CNTN5: variants seen among roughly 807,000 people sequenced by gnomAD.
CNTN5 encodes the protein contactin 5.
Under a neutral mutation model 129.1 loss-of-function variants are expected in CNTN5, and 77 were observed. The ratio of observed to expected loss-of-function variants is 0.60; its 90% confidence interval spans 0.50 to 0.72. The LOEUF (loss-of-function observed/expected upper bound fraction) is 0.72, where lower values mean the gene tolerates loss of function less well. Among genes scored for constraint, CNTN5 ranks in the 30% least tolerant of loss-of-function variants. CNTN5 has a pLI of 0.00. For missense variants in CNTN5, 1,478 were observed against 1,328.8 expected (o/e 1.11, Z -1.75); for synonymous variants, 509 against 465.6 (o/e 1.09, Z -1.20).
At chr11:99,821,120 A>G (rs559089269) in intron 4 of CNTN5, among the ~76,000 whole-genome samples, 12 of 152,276 alleles carry the variant, frequency 7.9e-5, no homozygotes, top group African/African-American at 2.9e-4. Flanking sequence ...TTTAGGCATT[A>G]TTATCTTGTG....
At chr11:100,044,848 TTATAC>T (rs1360319891) in intron 9 of CNTN5, among the ~76,000 whole-genome samples, 2 of 152,118 alleles carry the variant, frequency 1.3e-5, no homozygotes, top group Non-Finnish European at 2.9e-5. Flanking sequence ...GAGACCTGTA[TTATAC>T]TATACTGAGA....
chr11:100,044,942 A>G (rs1186404620), intron 9 of CNTN5, among the ~76,000 whole-genome samples: 3 of 152,064 alleles, frequency 2.0e-5, no homozygotes, highest in South Asian at 4.1e-4. Context: ...AATCTCTCGC[A>G]TTACTGAAAT....
chr11:99,763,710 A>G (rs569015056), intron 3 of CNTN5, among the ~76,000 whole-genome samples: 3 of 152,206 alleles, frequency 2.0e-5, no homozygotes, highest in East Asian at 3.9e-4. Context: ...GCTGCTTACA[A>G]AAAAGATTAT....
At chr11:99,978,795 A>G (rs1213869675) in intron 8 of CNTN5, among the ~76,000 whole-genome samples, 3 of 152,164 alleles carry the variant, frequency 2.0e-5, no homozygotes, top group Non-Finnish European at 2.9e-5. Context: ...GACATTTAAC[A>G]TTGTACTGAG....
At chr11:99,344,751 A>G (rs941272810) in intron 2 of CNTN5, among the ~76,000 whole-genome samples, 5 of 152,192 alleles carry the variant, frequency 3.3e-5, no homozygotes, top group African/African-American at 7.2e-5. Flanking sequence ...CTGCACAGAC[A>G]AGGGGTGAAA....
chr11:99,102,949 T>G (rs1866809440), intron 1 of CNTN5, among the ~76,000 whole-genome samples: 1 of 152,114 alleles, frequency 6.6e-6, no homozygotes. Flanking sequence ...AAAAGAGGTT[T>G]AATGGACTCA....
At chr11:99,462,625 A>C (rs1319580784) in intron 2 of CNTN5, among the ~76,000 whole-genome samples, 1 of 152,184 alleles carries the variant, frequency 6.6e-6, no homozygotes, top group Non-Finnish European at 1.5e-5. Flanking sequence ...CTCAGCAAAG[A>C]CTGGAGTTAA....
At chr11:99,025,816 G>GT (rs1863085419) in intron 1 of CNTN5, among the ~76,000 whole-genome samples, 1 of 151,508 alleles carries the variant, frequency 6.6e-6, no homozygotes, top group African/African-American at 2.4e-5. Flanking sequence ...AGTATATAAA[G>GT]TTTTATCTTT....
chr11:99,729,058 C>T (rs951746855), intron 3 of CNTN5, among the ~76,000 whole-genome samples: 3 of 152,096 alleles, frequency 2.0e-5, no homozygotes, highest in Admixed American at 6.6e-5. Context: ...GGAGGTTCAA[C>T]GGTGAACAAG....
At chr11:99,983,394 G>T (rs1157596365) in intron 8 of CNTN5, among the ~76,000 whole-genome samples, 4 of 152,168 alleles carry the variant, frequency 2.6e-5, no homozygotes, top group African/African-American at 4.8e-5. Context: ...AGTAAGTATA[G>T]GACTGACAAG....
chr11:100,158,541 A>T (rs1162850663), intron 13 of CNTN5, among the ~76,000 whole-genome samples: 1 of 151,864 alleles, frequency 6.6e-6, no homozygotes, highest in Non-Finnish European at 1.5e-5. Flanking sequence ...AAAATTGGCA[A>T]ATATCCTGAC....
At position 99,098,103 on chromosome 11, in the gene CNTN5, C is replaced by T. The variant is rs970445960; in HGVS notation, c.-210+76833C>T. 3.3e-5 allele frequency among the ~76,000 whole-genome samples: 5 copies of T among 151,992 alleles called. No homozygotes were observed. The East Asian group carries it at 9.6e-4, about 29-fold the overall frequency. On this transcript the variant is annotated intron_variant, in intron 1 of 24. Coordinates refer to ENST00000524871, the MANE Select transcript of CNTN5 (RefSeq NM_014361.4). ...TAACTGAGAGGGGGAATAGAGGTTTCCTTCTCTAAATAAATAATTAAGCAG... is the reference window on the plus strand; with the variant it reads ...TAACTGAGAGGGGGAATAGAGGTTTTCTTCTCTAAATAAATAATTAAGCAG...
chr11:100,044,203 C>T (rs542446686), intron 9 of CNTN5, among the ~76,000 whole-genome samples: 2 of 151,500 alleles, frequency 1.3e-5, no homozygotes, highest in Admixed American at 6.6e-5. Flanking sequence ...GTATATATAA[C>T]ATTTTCTTTA....
intron 3 of CNTN5, among the ~76,000 whole-genome samples, chr11:99,596,007 T>TC (rs1299251078): frequency 2.0e-5 from 3 of 152,014 alleles, no homozygotes; most frequent in African/African-American, 7.3e-5. Flanking sequence ...TTCAGCAAGA[T>TC]CCCCCTGATT....
intron 18 of CNTN5, among the ~76,000 whole-genome samples, chr11:100,293,728 T>C (rs1229286432): frequency 1.3e-5 from 2 of 151,724 alleles, no homozygotes; most frequent in Non-Finnish European, 2.9e-5. Flanking sequence ...AGATCTTTCT[T>C]ACTCCCACTT....
At chr11:99,850,863 A>C (rs1947851508) in intron 6 of CNTN5, among the ~76,000 whole-genome samples, 1 of 152,186 alleles carries the variant, frequency 6.6e-6, no homozygotes, top group Non-Finnish European at 1.5e-5. Flanking sequence ...ACAAATTTTC[A>C]TAAAAATTTT....
At chr11:99,743,155 A>G (rs1943938622) in intron 3 of CNTN5, among the ~76,000 whole-genome samples, 1 of 152,198 alleles carries the variant, frequency 6.6e-6, no homozygotes, top group African/African-American at 2.4e-5. Context: ...TGTTGAAAGA[A>G]CAATGAAGAA....
At chr11:99,787,661 A>G (rs190075845) in intron 3 of CNTN5, among the ~76,000 whole-genome samples, 3 of 152,220 alleles carry the variant, frequency 2.0e-5, no homozygotes, top group Admixed American at 2.0e-4. Context: ...AATTATTTCA[A>G]AGAAGAAAAA....
At chr11:99,863,231 G>GA (rs949438928) in intron 6 of CNTN5, among the ~76,000 whole-genome samples, 1 of 152,026 alleles carries the variant, frequency 6.6e-6, no homozygotes, top group African/African-American at 2.4e-5. Context: ...GAAAGAGATG[G>GA]AAAAAAGCAG....
Sources: allele counts gnomAD v4.1 joint callset (sites outside exome capture counted in the v4.1 genomes callset), GRCh38; gene constraint gnomAD v4.1.1; transcripts MANE v1.5; gene names NCBI Gene and HGNC (gene_info 2026-07-23, HGNC 2026-07-21).